Variants in ZNF385D observed in about 807,000 individuals in gnomAD.
ZNF385D encodes the protein zinc finger protein 659.
Under a neutral mutation model 35.8 loss-of-function variants are expected in ZNF385D, and 15 were observed. The observed-to-expected ratio is 0.42, with a 90% CI of 0.28 to 0.64. The LOEUF is 0.64. Among genes scored for constraint, ZNF385D ranks in the 30% least tolerant of loss-of-function variants. The pLI is 0.23. For synonymous variants in ZNF385D, 212 were observed against 186.8 expected, an observed-to-expected ratio of 1.13 and a Z score of -1.10; for missense variants, 474 against 494.6, an observed-to-expected ratio of 0.96 and a Z score of 0.39.
intron 3 of ZNF385D, among the ~76,000 whole-genome samples, chr3:21,882,683 T>G (rs908516074): frequency 1.2e-4 from 18 of 152,100 alleles, no homozygotes; most frequent in African/African-American, 4.1e-4. Context: ...CATTATAGTT[T>G]GAGAAGCAAT....
intron 2 of ZNF385D, among the ~76,000 whole-genome samples, chr3:22,272,134 G>A (rs1238617670): frequency 6.6e-6 from 1 of 151,972 alleles, no homozygotes; most frequent in Non-Finnish European, 1.5e-5. Context: ...CTCTTGAGAC[G>A]ACACTCAAGA....
intron 2 of ZNF385D, among the ~76,000 whole-genome samples, chr3:22,322,232 C>T (rs1393944595): frequency 6.6e-6 from 1 of 152,120 alleles, no homozygotes; most frequent in African/African-American, 2.4e-5. Context: ...CATGTAGTAC[C>T]TGTTGTTTGG....
At chr3:21,491,637 G>A (rs939947189) in intron 4 of ZNF385D, among the ~76,000 whole-genome samples, 17 of 152,118 alleles carry the variant, frequency 1.1e-4, no homozygotes, top group African/African-American at 3.9e-4. Context: ...AAGTAGGCTT[G>A]CTGCCTGTTT....
At chr3:22,150,939 G>C (rs1356291089) in intron 3 of ZNF385D, among the ~76,000 whole-genome samples, 1 of 152,154 alleles carries the variant, frequency 6.6e-6, no homozygotes, top group African/African-American at 2.4e-5. Flanking sequence ...CATTCTGGGA[G>C]TGTTGAAAAG....
chr3:22,342,554 G>C (rs1464549772), intron 2 of ZNF385D, among the ~76,000 whole-genome samples: 2 of 152,030 alleles, frequency 1.3e-5, no homozygotes, highest in African/African-American at 4.8e-5. Flanking sequence ...CTTTATGACA[G>C]AAGTGTATGA....
chr3:22,198,528 T>C (rs970934877), intron 2 of ZNF385D, among the ~76,000 whole-genome samples: 136 of 152,216 alleles, frequency 8.9e-4, no homozygotes, highest in African/African-American at 3.1e-3. Context: ...TTTTCTAATA[T>C]TATTGAATTG....
intron 2 of ZNF385D, among the ~76,000 whole-genome samples, chr3:22,310,261 T>C (rs973148522): frequency 3.9e-5 from 6 of 151,992 alleles, no homozygotes; most frequent in African/African-American, 1.4e-4. Context: ...TCTTGGAACT[T>C]CATTTTACTA....
intron 2 of ZNF385D, among the ~76,000 whole-genome samples, chr3:22,193,564 T>C (rs937042244): frequency 1.3e-5 from 2 of 152,042 alleles, no homozygotes; most frequent in Admixed American, 6.6e-5. Context: ...TTGGTTTGTA[T>C]TGTAACTTCA....
chr3:21,649,912 T>C (rs2065862675), intron 2 of ZNF385D, among the ~76,000 whole-genome samples: 1 of 152,082 alleles, frequency 6.6e-6, no homozygotes, highest in Admixed American at 6.6e-5. Flanking sequence ...TTCCACAACA[T>C]TCCACACACA....
intron 3 of ZNF385D, among the ~76,000 whole-genome samples, chr3:21,756,276 G>A (rs751384171): frequency 6.6e-6 from 1 of 152,258 alleles, no homozygotes; most frequent in Non-Finnish European, 1.5e-5. Flanking sequence ...GAATTCTCTG[G>A]TAGGTTAGAT....
intron 2 of ZNF385D, among the ~76,000 whole-genome samples, chr3:22,336,516 T>G (rs1348445365): frequency 6.6e-6 from 1 of 152,118 alleles, no homozygotes; most frequent in African/African-American, 2.4e-5. Flanking sequence ...TCCAAGTTAT[T>G]ATTTTCAAAA....
chr3:21,449,349 T>A (rs935737977), intron 4 of ZNF385D, among the ~76,000 whole-genome samples: 4 of 152,106 alleles, frequency 2.6e-5, no homozygotes, highest in African/African-American at 9.6e-5. Flanking sequence ...TCTATTCCAT[T>A]TCACTCGTTG....
At chr3:21,878,592 C>G (rs1375728876) in intron 3 of ZNF385D, among the ~76,000 whole-genome samples, 1 of 151,996 alleles carries the variant, frequency 6.6e-6, no homozygotes, top group Non-Finnish European at 1.5e-5. Flanking sequence ...CATGACTGCA[C>G]ATGTAAGCAA....
intron 2 of ZNF385D, among the ~76,000 whole-genome samples, chr3:22,331,686 G>C (rs1328354240): frequency 6.6e-6 from 1 of 152,118 alleles, no homozygotes; most frequent in Non-Finnish European, 1.5e-5. Context: ...GACTAAATTT[G>C]TATCAGCTAT....
intron 3 of ZNF385D, among the ~76,000 whole-genome samples, chr3:22,045,067 T>C (rs1161496893): frequency 2.6e-5 from 4 of 152,140 alleles, no homozygotes. Context: ...CCTGCAACTT[T>C]ACTGTACTTG....
At chr3:22,180,576 G>A (rs1265267778) in intron 2 of ZNF385D, among the ~76,000 whole-genome samples, 1 of 152,138 alleles carries the variant, frequency 6.6e-6, no homozygotes, top group Non-Finnish European at 1.5e-5. Context: ...ACATCAAAAA[G>A]CTTATCCACC....
chr3:22,012,737 T>C (rs1696655286), intron 3 of ZNF385D, among the ~76,000 whole-genome samples: 1 of 151,898 alleles, frequency 6.6e-6, no homozygotes, highest in African/African-American at 2.4e-5. Flanking sequence ...CCTACCCCAC[T>C]GTGTTACAGC....
chr3:21,987,267 T>A (rs1305882530), intron 3 of ZNF385D, among the ~76,000 whole-genome samples: 19 of 140,988 alleles, frequency 1.3e-4, no homozygotes, highest in African/African-American at 4.6e-4. Context: ...CTAGTCTCGA[T>A]GGTCTTTACA....
intron 3 of ZNF385D, among the ~76,000 whole-genome samples, chr3:21,531,823 A>T (rs233143): frequency 0.16 from 25,106 of 152,196 alleles, 2,103 homozygotes; most frequent in Admixed American, 0.25. Flanking sequence ...AACAAATATT[A>T]TTCTAAATCT....
Sources: allele counts gnomAD v4.1 joint callset (sites outside exome capture counted in the v4.1 genomes callset), GRCh38; gene constraint gnomAD v4.1.1; transcripts MANE v1.5; gene names NCBI Gene and HGNC (gene_info 2026-07-23, HGNC 2026-07-21).